MEI4: variants seen among roughly 807,000 people sequenced by gnomAD.
MEI4 encodes the protein meiosis-specific protein MEI4.
In MEI4, 27 loss-of-function variants were observed where a neutral mutation model predicts 31.4. The observed-to-expected ratio is 0.86, with a 90% CI of 0.63 to 1.19. The LOEUF (loss-of-function observed/expected upper bound fraction) is 1.19, where lower values mean the gene tolerates loss of function less well. Ranked by LOEUF, MEI4 falls within the 50% of genes most tolerant of loss-of-function variation. The pLI is 0.00. For missense variants in MEI4, 329 were observed against 398.9 expected, an observed-to-expected ratio of 0.82 and a Z score of 1.49; for synonymous variants, 122 against 145.4, an observed-to-expected ratio of 0.84 and a Z score of 1.16.
At chr6:77,702,895 G>T (rs966940780) in intron 2 of MEI4, among the ~76,000 whole-genome samples, 2 of 152,020 alleles carry the variant, frequency 1.3e-5, no homozygotes, top group Non-Finnish European at 2.9e-5. Flanking sequence ...CCCTCCTTTT[G>T]GTCTGGCTGT....
chr6:77,775,308 G>C (rs1410731818), intron 3 of MEI4, among the ~76,000 whole-genome samples: 3 of 152,096 alleles, frequency 2.0e-5, no homozygotes, highest in East Asian at 1.9e-4. Context: ...ACTGTACCCA[G>C]TGTGTGGTCT....
At chr6:77,696,082 T>A (rs1286117715) in intron 2 of MEI4, among the ~76,000 whole-genome samples, 1 of 152,218 alleles carries the variant, frequency 6.6e-6, no homozygotes, top group East Asian at 1.9e-4. Context: ...TCTTGGTGTA[T>A]AAGAATGCTT....
chr6:77,687,716 C>T (rs1769084281), intron 1 of MEI4, among the ~76,000 whole-genome samples: 1 of 152,042 alleles, frequency 6.6e-6, no homozygotes, highest in South Asian at 2.1e-4. Flanking sequence ...ATAAAAAATA[C>T]AGCACAGGAA....
In MEI4 at chr6:77,846,864, G is replaced by A. The variant is rs556149848; in HGVS notation, c.900+17802G>A. ...ACATCTTGCAGTATACAGAGCATTA[G>A]TGCCCCTCAATCCCCCACCCTGTTG... On this transcript the variant is annotated intron_variant, in intron 4 of 4. Coordinates refer to ENST00000684080, the MANE Select transcript of MEI4 (RefSeq NM_001322247.2). Among the ~76,000 whole-genome samples the A allele has an allele frequency of 2.0e-5, 3 of 152,258 alleles. No homozygotes were observed. The South Asian group carries it at 6.2e-4, about 32-fold the overall frequency.
chr6:77,919,761 T>C (rs1453456733), intron 4 of MEI4, among the ~76,000 whole-genome samples: 2 of 146,212 alleles, frequency 1.4e-5, no homozygotes, highest in African/African-American at 5.0e-5. Flanking sequence ...GCAAGACTAA[T>C]AAAGAAAAAA....
intron 1 of MEI4, among the ~76,000 whole-genome samples, chr6:77,655,784 G>A (rs984299240): frequency 6.6e-6 from 1 of 152,086 alleles, no homozygotes; most frequent in Non-Finnish European, 1.5e-5. Flanking sequence ...AGTAGACTCA[G>A]AGATTTTTAG....
chr6:77,783,779 A>C (rs976155972), intron 3 of MEI4, among the ~76,000 whole-genome samples: 2 of 152,164 alleles, frequency 1.3e-5, no homozygotes, highest in African/African-American at 4.8e-5. Context: ...GATTTCAAAT[A>C]AAATCAAATC....
rs534066209 is a variant in MEI4 at position 77,745,311 on chromosome 6, G to T, written c.233-15819G>T. 4.3e-3 allele frequency among the ~76,000 whole-genome samples: 650 copies of T among 152,210 alleles called. 7 individuals are homozygous for T. Among genetic ancestry groups the T allele is most frequent in the African/African-American group, 0.015 (605 of 41,510 alleles). The stretch of plus-strand genomic sequence containing the variant: ...AAATGGAAAACAAAAAAAGGCAGGG[G>T]TTGCAATCCTAGTCTCTGATAAAAC... On this transcript the variant is annotated intron_variant, in intron 2 of 4. Transcript: ENST00000684080.
At chr6:77,677,887 T>C (rs1768873849) in intron 1 of MEI4, among the ~76,000 whole-genome samples, 1 of 152,250 alleles carries the variant, frequency 6.6e-6, no homozygotes, top group South Asian at 2.1e-4. Flanking sequence ...TTATTTTCTG[T>C]ATTTCAGTAA....
chr6:77,795,767 A>G (rs75063511), intron 3 of MEI4, among the ~76,000 whole-genome samples: 11 of 86,656 alleles, frequency 1.3e-4, no homozygotes, highest in Admixed American at 7.3e-4. Flanking sequence ...ATTGCATTGG[A>G]AAAAAAAAAA....
At chr6:77,733,426 T>C (rs927360806) in intron 2 of MEI4, among the ~76,000 whole-genome samples, 24 of 152,142 alleles carry the variant, frequency 1.6e-4, no homozygotes, top group African/African-American at 5.8e-4. Flanking sequence ...GAGGTGTTCG[T>C]AGTATTCTCT....
At chr6:77,870,710 G>T (rs944283476) in intron 4 of MEI4, among the ~76,000 whole-genome samples, 4 of 46,422 alleles carry the variant, frequency 8.6e-5, no homozygotes, top group African/African-American at 8.2e-4. Flanking sequence ...TCTCAGTGAA[G>T]CTTGATATGC....
At chr6:77,801,506 G>A (rs1180866412) in intron 3 of MEI4, among the ~76,000 whole-genome samples, 1 of 151,842 alleles carries the variant, frequency 6.6e-6, no homozygotes, top group African/African-American at 2.4e-5. Flanking sequence ...GCTCTGATCT[G>A]AGTTATTTCT....
At chr6:77,772,629 A>G (rs1561982782) in intron 3 of MEI4, among the ~76,000 whole-genome samples, 1 of 152,076 alleles carries the variant, frequency 6.6e-6, no homozygotes, top group Non-Finnish European at 1.5e-5. Flanking sequence ...TGAATGGGAA[A>G]AAACTGAAAG....
chr6:77,889,228 T>G (rs1282454131), intron 4 of MEI4, among the ~76,000 whole-genome samples: 2 of 151,994 alleles, frequency 1.3e-5, no homozygotes, highest in East Asian at 3.9e-4. Context: ...GGTTGGAAGT[T>G]TGGAGGGCTG....
At chr6:77,737,249 T>A (rs1192334452) in intron 2 of MEI4, among the ~76,000 whole-genome samples, 1 of 152,240 alleles carries the variant, frequency 6.6e-6, no homozygotes, top group African/African-American at 2.4e-5. Context: ...GATAAGGCTA[T>A]TTAGACAGAG....
At chr6:77,812,220 C>A (rs1769589727) in intron 3 of MEI4, among the ~76,000 whole-genome samples, 1 of 151,950 alleles carries the variant, frequency 6.6e-6, no homozygotes, top group Non-Finnish European at 1.5e-5. Flanking sequence ...AGAACATATA[C>A]AAGCAGCTGT....
intron 2 of MEI4, among the ~76,000 whole-genome samples, chr6:77,731,729 T>C (rs146886934): frequency 0.32 from 47,819 of 149,912 alleles, 8,065 homozygotes; most frequent in East Asian, 0.48. Flanking sequence ...ATAGTAATGC[T>C]TAGGTTTTCT....
Position 77,844,559 on chromosome 6 carries a change from T to G in MEI4, c.900+15497T>G, listed in dbSNP as rs6904729. 9.2e-3 allele frequency among the ~76,000 whole-genome samples: 1,394 copies of G among 152,260 alleles called. 17 individuals carry two copies. The highest frequency in any genetic ancestry group is 0.031 in the African/African-American group (1,290 of 41,560). The stretch of plus-strand genomic sequence containing the variant: ...CAATTCAAAAGTTTTTATTGCAAAT[T>G]GAAATCTTTTTTGTTAAAGATGAGG... On this transcript the variant is annotated intron_variant, in intron 4 of 4. Coordinates refer to ENST00000684080, the MANE Select transcript of MEI4 (RefSeq NM_001322247.2).
Sources: gnomAD v4.1 joint callset for allele counts (sites outside exome capture counted in the v4.1 genomes callset) on GRCh38, gnomAD v4.1.1 for gene constraint, MANE v1.5 for transcripts, NCBI Gene and HGNC (gene_info 2026-07-23, HGNC 2026-07-21) for gene names.